Variants in MRPL42 observed in about 807,000 individuals in gnomAD.
The protein encoded by MRPL42 is large ribosomal subunit protein mL42.
In MRPL42, 17 loss-of-function variants were observed where a neutral mutation model predicts 17.9. That is an observed-to-expected ratio of 0.95 (90% CI 0.65 to 1.42). The LOEUF is 1.42. MRPL42 is among the 40% of genes most tolerant of loss of function. The probability of loss-of-function intolerance (pLI) is 0.00; values close to 1 mark genes in which losing one functional copy is unlikely to be tolerated. For synonymous variants in MRPL42, 59 were observed against 54.4 expected (o/e 1.08, Z -0.37); for missense variants, 177 against 175.2 (o/e 1.01, Z -0.06).
intron 5 of MRPL42, among the ~76,000 whole-genome samples, chr12:93,491,620 ATTT>A: frequency 6.6e-6 from 1 of 151,568 alleles, no homozygotes; most frequent in Non-Finnish European, 1.5e-5. Context: ...TAAGATAAGG[ATTT>A]TTTTTTTGTT....
At chr12:93,482,743 G>T (rs886754534) in intron 4 of MRPL42, among the ~76,000 whole-genome samples, 2 of 152,058 alleles carry the variant, frequency 1.3e-5, no homozygotes, top group African/African-American at 4.8e-5. Context: ...ACACCACCAT[G>T]CCCAGCTAAT....
At position 93,507,500 on chromosome 12, in the gene MRPL42, G is replaced by T. The variant is rs528785137; in HGVS notation, c.*6279G>T. The T allele has an allele frequency of 5.3e-5, 8 of 152,264 alleles. No individual in the cohort carries two copies. Among genetic ancestry groups the T allele is most frequent in the African/African-American group, 1.9e-4 (8 of 41,554 alleles). The allele number at this position is 152,264 out of a possible 1,614,324, so 9.4% of individuals were successfully genotyped here. A position where few individuals can be genotyped will look rare whatever the true frequency, so the allele number is the denominator to read the frequency against. On this transcript the variant is annotated 3_prime_UTR_variant, in exon 6 of 6. Coordinates refer to ENST00000549982, the MANE Select transcript of MRPL42 (RefSeq NM_014050.4). The stretch of plus-strand genomic sequence containing the variant: ...GGGTTCTATCTTTTAAGGGAACTTT[G>T]GATGAATCCTTGAATATCAGTTATC...
intron 2 of MRPL42, among the ~76,000 whole-genome samples, chr12:93,471,522 A>C (rs1183953006): frequency 1.3e-5 from 2 of 151,800 alleles, no homozygotes; most frequent in Non-Finnish European, 2.9e-5. Flanking sequence ...ACTGGTCTCA[A>C]ACTCCTGACC....
intron 5 of MRPL42, among the ~76,000 whole-genome samples, chr12:93,489,729 T>G (rs1005159442): frequency 2.6e-5 from 4 of 152,192 alleles, no homozygotes; most frequent in Non-Finnish European, 5.9e-5. Flanking sequence ...AGAGACAAGG[T>G]TTCGCCATGT....
intron 3 of MRPL42, 58 bp downstream of exon 3, chr12:93,477,075 A>G: frequency 8.1e-7 from 1 of 1,238,056 alleles, no homozygotes; most frequent in South Asian, 1.4e-5. Context: ...GAAATGATTT[A>G]ATTTTATTTC....
chr12:93,496,754 G>A (rs1953513422), intron 5 of MRPL42, among the ~76,000 whole-genome samples: 1 of 132,472 alleles, frequency 7.5e-6, no homozygotes, highest in Non-Finnish European at 1.6e-5. Flanking sequence ...TGACAAAGGT[G>A]ACATCACAAC....
At chr12:93,488,568 A>C in intron 5 of MRPL42, 1 of 316,972 alleles carries the variant, frequency 3.2e-6, no homozygotes, top group Non-Finnish European at 5.7e-6. Context: ...CCTGTTAAGT[A>C]ATTGATTGTG....
In MRPL42 at chr12:93,507,560, G is replaced by A. The variant is rs1057512722; in HGVS notation, c.*6339G>A. 1 of 152,160 alleles carries A rather than the reference G, an allele frequency of 6.6e-6. No individual in the cohort carries two copies. The highest frequency in any genetic ancestry group is 3.2e-3 in the Middle Eastern group (1 of 314). 9.4% of individuals were successfully genotyped at this position (152,160 alleles called of 1,614,324 possible). A position where few individuals can be genotyped will look rare whatever the true frequency, so the allele number is the denominator to read the frequency against. On this transcript the variant is annotated 3_prime_UTR_variant, in exon 6 of 6. Coordinates refer to ENST00000549982, the MANE Select transcript of MRPL42 (RefSeq NM_014050.4). ...TTAACAAATCACCCCAAAGCTCATT[G>A]GCTTAAAACAACAATCTTTCATTAG...
chr12:93,479,354 T>G, intron 3 of MRPL42, 34 bp from the exon 4 acceptor site: 1 of 1,497,204 alleles, frequency 6.7e-7, no homozygotes, highest in Non-Finnish European at 9.1e-7. Flanking sequence ...TTGAATACAG[T>G]ATAACTTTAT....
chr12:93,509,005 TG>T lies in MRPL42; in HGVS notation c.*7786del, dbSNP rs1953698973. The T allele has an allele frequency of 6.6e-6, 1 of 152,028 alleles. No individual in the cohort carries two copies. Among genetic ancestry groups the T allele is most frequent in the Non-Finnish European group, 1.5e-5 (1 of 68,054 alleles). The allele number at this position is 152,028 out of a possible 1,614,324, so 9.4% of individuals were successfully genotyped here. A position where few individuals can be genotyped will look rare whatever the true frequency, so the allele number is the denominator to read the frequency against. ...GAGTTTGAGACCAGCCTAGCTAACA[TG>T]GTGAAACCCCGTCTCTACTAAAAAT... On this transcript the variant is annotated 3_prime_UTR_variant, in exon 6 of 6. Coordinates refer to ENST00000549982, the MANE Select transcript of MRPL42 (RefSeq NM_014050.4).
At position 93,508,918 on chromosome 12, in the gene MRPL42, T is replaced by C. The variant is rs1437561438; in HGVS notation, c.*7697T>C. Reference sequence around the variant, plus strand: ...GAATGAGCTGGGGGGCTGGGCGTGGTAGTTCACACCTGTAATCCCAGCACT... The same window carrying C: ...GAATGAGCTGGGGGGCTGGGCGTGGCAGTTCACACCTGTAATCCCAGCACT... On this transcript the variant is annotated 3_prime_UTR_variant, in exon 6 of 6. Transcript: ENST00000549982. The C allele has an allele frequency of 2.6e-5, 4 of 152,194 alleles. No homozygotes were observed. Among genetic ancestry groups the C allele is most frequent in the Admixed American group, 2.6e-4 (4 of 15,276 alleles). The allele number at this position is 152,194 out of a possible 1,614,324, so 9.4% of individuals were successfully genotyped here.
intron 2 of MRPL42, among the ~76,000 whole-genome samples, chr12:93,473,361 A>C (rs1401497731): frequency 1.3e-5 from 2 of 152,032 alleles, no homozygotes; most frequent in Non-Finnish European, 2.9e-5. Context: ...CCCTGGGCTC[A>C]GGTGATCCTG....
intron 2 of MRPL42, among the ~76,000 whole-genome samples, chr12:93,470,877 A>G (rs920544473): frequency 6.6e-6 from 1 of 152,168 alleles, no homozygotes; most frequent in Non-Finnish European, 1.5e-5. Context: ...GCTTGTTTCC[A>G]TGTCTTCGCT....
chr12:93,501,024 A>G (rs894684613), intron 5 of MRPL42, 152 bp from the exon 6 acceptor site: 2 of 582,920 alleles, frequency 3.4e-6, no homozygotes, highest in Non-Finnish European at 5.9e-6. Context: ...CAATGGGAGA[A>G]TGTGGCTTAT....
At chr12:93,469,868 G>T (rs1565807418) in intron 2 of MRPL42, among the ~76,000 whole-genome samples, 1 of 152,134 alleles carries the variant, frequency 6.6e-6, no homozygotes, top group Non-Finnish European at 1.5e-5. Context: ...ACCAAACAGT[G>T]GTTATCTGTG....
chr12:93,487,980 T>C, intron 5 of MRPL42: 1 of 247,436 alleles, frequency 4.0e-6, no homozygotes, highest in Non-Finnish European at 7.6e-6. Context: ...TCTTTTTTTT[T>C]TTTTTTGAGA....
In MRPL42 at chr12:93,510,789, A is replaced by T. The variant is rs933798518; in HGVS notation, c.*9568A>T. 1 of 152,216 alleles carries T rather than the reference A, an allele frequency of 6.6e-6. No homozygotes were observed. Among genetic ancestry groups the T allele is most frequent in the African/African-American group, 2.4e-5 (1 of 41,452 alleles). 9.4% of individuals were successfully genotyped at this position (152,216 alleles called of 1,614,324 possible). A position where few individuals can be genotyped will look rare whatever the true frequency, so the allele number is the denominator to read the frequency against. On this transcript the variant is annotated 3_prime_UTR_variant, in exon 6 of 6. Transcript: ENST00000549982. ...ATTTTTTCTTCTTATGATTGAAGTT[A>T]TAATATTTCTTTAAATATTTTGGAT...
chr12:93,468,878 C>G (rs767891726), intron 1 of MRPL42, among the ~76,000 whole-genome samples: 3 of 152,068 alleles, frequency 2.0e-5, no homozygotes, highest in Admixed American at 2.0e-4. Context: ...ACTCTGTGTA[C>G]CATTTGTGAG....
intron 5 of MRPL42, chr12:93,488,588 C>G (rs558608798): frequency 7.0e-6 from 2 of 287,764 alleles, no homozygotes; most frequent in African/African-American, 4.4e-5. Context: ...GTCTTCAGCC[C>G]TTTATCAATT....
Sources: gnomAD v4.1 joint callset for allele counts (sites outside exome capture counted in the v4.1 genomes callset) on GRCh38, gnomAD v4.1.1 for gene constraint, MANE v1.5 for transcripts, NCBI Gene and HGNC (gene_info 2026-07-23, HGNC 2026-07-21) for gene names.